TBC1D32: variants seen among roughly 807,000 people sequenced by gnomAD.
The protein encoded by TBC1D32 is TBC1 domain family member 32.
TBC1D32 carries 151 observed loss-of-function variants against 170.3 expected under a neutral mutation model. That is an observed-to-expected ratio of 0.89 (90% CI 0.78 to 1.01). TBC1D32 has a LOEUF of 1.01. Among genes scored for constraint, TBC1D32 ranks in the 50% least tolerant of loss-of-function variants. The probability of loss-of-function intolerance (pLI) is 0.00; values close to 1 mark genes in which losing one functional copy is unlikely to be tolerated. For synonymous variants in TBC1D32, 498 were observed against 488.0 expected (o/e 1.02, Z -0.27); for missense variants, 1,464 against 1,457.1 (o/e 1.00, Z -0.08).
intron 2 of TBC1D32, among the ~76,000 whole-genome samples, chr6:121,320,970 T>TGAACC (rs1809626345): frequency 6.6e-6 from 1 of 152,194 alleles, no homozygotes; most frequent in Admixed American, 6.5e-5. Flanking sequence ...TAGGGCTGGT[T>TGAACC]CCCACCTTGT....
chr6:121,245,722 G>A (rs1797508459), intron 17 of TBC1D32, among the ~76,000 whole-genome samples: 1 of 152,016 alleles, frequency 6.6e-6, no homozygotes. Context: ...CCCACGGGAG[G>A]AGCAAACTCC....
intron 29 of TBC1D32, among the ~76,000 whole-genome samples, chr6:121,108,524 T>G (rs1778911281): frequency 6.6e-6 from 1 of 151,882 alleles, no homozygotes; most frequent in Non-Finnish European, 1.5e-5. Flanking sequence ...TAAGACAAAG[T>G]GCAAAAAAAT....
intron 22 of TBC1D32, among the ~76,000 whole-genome samples, chr6:121,177,240 T>A (rs1017071517): frequency 5.9e-5 from 9 of 152,112 alleles, no homozygotes; most frequent in African/African-American, 2.2e-4. Flanking sequence ...TCTCAATGGT[T>A]TAGCACCATC....
intron 15 of TBC1D32, among the ~76,000 whole-genome samples, chr6:121,274,678 T>C (rs992390173): frequency 4.0e-5 from 6 of 151,884 alleles, no homozygotes; most frequent in African/African-American, 1.5e-4. Context: ...TTTTGGATAA[T>C]TAAACACCAA....
intron 21 of TBC1D32, among the ~76,000 whole-genome samples, chr6:121,216,351 A>G (rs1793823075): frequency 6.6e-6 from 1 of 152,042 alleles, no homozygotes. Context: ...GTGCCTTCTG[A>G]TTGTGTAAGT....
intron 24 of TBC1D32, among the ~76,000 whole-genome samples, chr6:121,144,314 T>G (rs1023898272): frequency 6.6e-6 from 1 of 152,182 alleles, no homozygotes; most frequent in African/African-American, 2.4e-5. Flanking sequence ...AAGAGTAATA[T>G]GATCTAACCC....
chr6:121,080,959 AAAT>A lies in TBC1D32; in HGVS notation c.3655-72_3655-70del, dbSNP rs1175479020. ...ACACAATTCCAAGTTAATGAATTTT[AAAT>A]AATTGATATACCATTTATTTTCAGC... On this transcript the variant is annotated intron_variant, in intron 31 of 31. Coordinates refer to ENST00000398212, the MANE Select transcript of TBC1D32 (RefSeq NM_152730.6). 2.6e-6 allele frequency: 4 copies of A among 1,557,924 alleles called. No homozygotes were observed. In the African/African-American group the frequency reaches 5.5e-5, roughly 21 times the overall value.
At chr6:121,269,160 G>A (rs1437597577) in intron 15 of TBC1D32, among the ~76,000 whole-genome samples, 1 of 152,122 alleles carries the variant, frequency 6.6e-6, no homozygotes, top group Admixed American at 6.6e-5. Context: ...GCAAAAACAT[G>A]CCAACTTGTA....
chr6:121,214,079 A>G (rs1272932629), intron 21 of TBC1D32, among the ~76,000 whole-genome samples: 1 of 152,244 alleles, frequency 6.6e-6, no homozygotes, highest in Non-Finnish European at 1.5e-5. Context: ...CTGGCTAGCC[A>G]TAAGCAGAAA....
At chr6:121,288,797 T>C (rs1804323500) in intron 12 of TBC1D32, among the ~76,000 whole-genome samples, 2 of 151,752 alleles carry the variant, frequency 1.3e-5, no homozygotes, top group Admixed American at 6.6e-5. Flanking sequence ...TCAAAAAGCT[T>C]ATCCACCACA....
chr6:121,085,308 T>TACATATATAC (rs1776119986), intron 31 of TBC1D32, among the ~76,000 whole-genome samples: 1 of 145,460 alleles, frequency 6.9e-6, no homozygotes, highest in Non-Finnish European at 1.5e-5. Context: ...TACATATATA[T>TACATATATAC]ACATATATAC....
intron 22 of TBC1D32, among the ~76,000 whole-genome samples, chr6:121,204,662 T>C: frequency 6.6e-6 from 1 of 151,378 alleles, no homozygotes; most frequent in Admixed American, 6.6e-5. Context: ...CAAAGTAAAG[T>C]TGAAAAGTAA....
intron 20 of TBC1D32, among the ~76,000 whole-genome samples, chr6:121,233,887 G>C (rs757410068): frequency 7.9e-5 from 12 of 152,134 alleles, no homozygotes; most frequent in Non-Finnish European, 1.6e-4. Flanking sequence ...CCTTTTAGCA[G>C]TTCTTATAGT....
chr6:121,143,040 A>G (rs1402372451), intron 24 of TBC1D32, among the ~76,000 whole-genome samples: 1 of 152,148 alleles, frequency 6.6e-6, no homozygotes, highest in Non-Finnish European at 1.5e-5. Flanking sequence ...ACTAGTACAT[A>G]TAACTAGTGC....
rs1210470750 is a variant in TBC1D32, at chr6:121,334,261, C to A, written c.155+15G>T. 1.2e-6 allele frequency: 2 copies of A among 1,612,068 alleles called. No homozygotes were observed. The highest frequency in any genetic ancestry group is 1.7e-6 in the Non-Finnish European group (2 of 1,178,504). On this transcript the variant is annotated intron_variant, in intron 1 of 31. Transcript: ENST00000398212. ...TCGATGGTTTATAGGCTTAAAACAT[C>A]AAAAGCAATTTTACTTGTGAAAATT...
chr6:121,285,018 A>G (rs1803577743), intron 12 of TBC1D32, among the ~76,000 whole-genome samples: 1 of 152,166 alleles, frequency 6.6e-6, no homozygotes, highest in African/African-American at 2.4e-5. Flanking sequence ...AGATTTAGAG[A>G]AATAAAAAAG....
At chr6:121,299,405 T>A in intron 10 of TBC1D32, 41 bp downstream of exon 10, 3 of 1,456,822 alleles carry the variant, frequency 2.1e-6, no homozygotes, top group Non-Finnish European at 2.8e-6. Flanking sequence ...TATATTCTGG[T>A]GATATTATTT....
chr6:121,185,636 T>A (rs1789099981), intron 22 of TBC1D32, among the ~76,000 whole-genome samples: 2 of 152,032 alleles, frequency 1.3e-5, no homozygotes, highest in African/African-American at 4.8e-5. Context: ...AGCTACCTAG[T>A]GGCAGGGTGA....
chr6:121,140,718 G>A (rs572837676), intron 24 of TBC1D32, among the ~76,000 whole-genome samples: 7 of 152,094 alleles, frequency 4.6e-5, no homozygotes, highest in Admixed American at 3.3e-4. Flanking sequence ...AAAATAGGAT[G>A]TAATGCTAAC....
Sources: allele counts gnomAD v4.1 joint callset (sites outside exome capture counted in the v4.1 genomes callset), GRCh38; gene constraint gnomAD v4.1.1; transcripts MANE v1.5; gene names NCBI Gene and HGNC (gene_info 2026-07-23, HGNC 2026-07-21).